GPD1L: variants seen among roughly 807,000 people sequenced by gnomAD.
The protein encoded by GPD1L is glycerol-3-phosphate dehydrogenase 1-like protein.
In GPD1L, 17 loss-of-function variants were observed where a neutral mutation model predicts 32.9. That is an observed-to-expected ratio of 0.52 (90% CI 0.35 to 0.78). The LOEUF (loss-of-function observed/expected upper bound fraction) is 0.78. Among genes scored for constraint, GPD1L ranks in the 30% least tolerant of loss-of-function variants. The pLI is 0.01. For missense variants in GPD1L, 361 were observed against 447.8 expected, an observed-to-expected ratio of 0.81 and a Z score of 1.75; for synonymous variants, 187 against 165.9, an observed-to-expected ratio of 1.13 and a Z score of -0.98.
At chr3:32,136,268 C>T (rs1700659050) in intron 2 of GPD1L, among the ~76,000 whole-genome samples, 1 of 152,166 alleles carries the variant, frequency 6.6e-6, no homozygotes, top group African/African-American at 2.4e-5. Context: ...AGCAGCATCC[C>T]ACACTGTTCA....
At chr3:32,114,075 G>A (rs563123173) in intron 1 of GPD1L, among the ~76,000 whole-genome samples, 16 of 152,140 alleles carry the variant, frequency 1.1e-4, no homozygotes, top group African/African-American at 1.9e-4. Context: ...AGCTGATTTC[G>A]AACACCTGGG....
At chr3:32,140,449 T>A in intron 4 of GPD1L, 83 bp downstream of exon 4, 2 of 1,452,714 alleles carry the variant, frequency 1.4e-6, no homozygotes, top group Non-Finnish European at 1.9e-6. Context: ...ATATTTTCTG[T>A]AATAGACTCT....
chr3:32,167,107 T>C lies in GPD1L; in HGVS notation c.*1197T>C, dbSNP rs537670902. On this transcript the variant is annotated 3_prime_UTR_variant, in exon 8 of 8. Coordinates refer to ENST00000282541, the MANE Select transcript of GPD1L (RefSeq NM_015141.4). ...TACTACAATATGTGAACCACTACTT[T>C]AGAAAATCTGCTTTAACTTGGTATT... The C allele has an allele frequency of 2.6e-5, 4 of 152,306 alleles. No individual in the cohort carries two copies. The South Asian group carries it at 6.2e-4, about 24-fold the overall frequency. The allele number at this position is 152,306 out of a possible 1,614,324, so 9.4% of individuals were successfully genotyped here. A position where few individuals can be genotyped will look rare whatever the true frequency, so the allele number is the denominator to read the frequency against.
In GPD1L at chr3:32,155,129, G is replaced by A. The variant is rs554365495; in HGVS notation, c.619-3747G>A. Among the ~76,000 whole-genome samples, 5 of 152,292 alleles carry A rather than the reference G, an allele frequency of 3.3e-5. No homozygotes were observed. In the South Asian group the frequency reaches 1.0e-3, roughly 32 times the overall value. The stretch of plus-strand genomic sequence containing the variant: ...AAGGGTCAGGCAGGTCTTTTTGACC[G>A]AGGTTGGAGGAAGGGCAGATTTCCC... On this transcript the variant is annotated intron_variant, in intron 5 of 7. Coordinates refer to ENST00000282541, the MANE Select transcript of GPD1L (RefSeq NM_015141.4).
intron 4 of GPD1L, among the ~76,000 whole-genome samples, chr3:32,146,049 G>A (rs1700815718): frequency 6.7e-6 from 1 of 149,462 alleles, no homozygotes; most frequent in African/African-American, 2.5e-5. Context: ...TCACTTCTTG[G>A]TGTAGTTTTA....
chr3:32,120,721 G>T (rs1032751116), intron 1 of GPD1L, among the ~76,000 whole-genome samples: 1 of 152,182 alleles, frequency 6.6e-6, no homozygotes, highest in Non-Finnish European at 1.5e-5. Context: ...AGAATTGCAA[G>T]CATGCAAGTT....
chr3:32,128,419 C>T (rs921507951), intron 2 of GPD1L, among the ~76,000 whole-genome samples, 166 bp downstream of exon 2: 1 of 152,102 alleles, frequency 6.6e-6, no homozygotes, highest in African/African-American at 2.4e-5. Flanking sequence ...AATGGGTTTC[C>T]TATTATGTTG....
chr3:32,122,411 A>G lies in GPD1L; in HGVS notation c.48-5665A>G, dbSNP rs1189805109. 3.9e-5 allele frequency among the ~76,000 whole-genome samples: 6 copies of G among 152,126 alleles called. No homozygotes were observed. In the South Asian group the frequency reaches 8.3e-4, roughly 21 times the overall value. On this transcript the variant is annotated intron_variant, in intron 1 of 7. Coordinates refer to ENST00000282541, the MANE Select transcript of GPD1L (RefSeq NM_015141.4). The stretch of plus-strand genomic sequence containing the variant: ...AATGGGGATAATGTGCACCTCTCTT[A>G]TGGGCTGTAATAAAGATTTTTTAAA...
intron 1 of GPD1L, among the ~76,000 whole-genome samples, chr3:32,114,118 G>GTA (rs1199138708): frequency 6.6e-6 from 1 of 152,242 alleles, no homozygotes; most frequent in East Asian, 1.9e-4. Context: ...GCCTCCCAAA[G>GTA]TACTGGGATT....
At chr3:32,150,165 C>T (rs528731429) in intron 5 of GPD1L, among the ~76,000 whole-genome samples, 16 of 152,188 alleles carry the variant, frequency 1.1e-4, no homozygotes, top group African/African-American at 2.9e-4. Context: ...TATATGCCAT[C>T]GTTTGCATTT....
intron 2 of GPD1L, among the ~76,000 whole-genome samples, chr3:32,133,174 C>T (rs1336978091): frequency 1.3e-5 from 2 of 152,170 alleles, no homozygotes. Context: ...CTCCGTGCAG[C>T]CACGGCAGCT....
chr3:32,110,973 C>A (rs1205694812), intron 1 of GPD1L, among the ~76,000 whole-genome samples: 3 of 152,216 alleles, frequency 2.0e-5, no homozygotes, highest in Non-Finnish European at 4.4e-5. Context: ...TCTAGCGATT[C>A]TCATGCCTCC....
chr3:32,115,368 A>G (rs1004177839), intron 1 of GPD1L, among the ~76,000 whole-genome samples: 2 of 152,294 alleles, frequency 1.3e-5, no homozygotes, highest in Middle Eastern at 3.4e-3. Flanking sequence ...CAGAGTGCTG[A>G]TTGGTGCGTT....
chr3:32,151,283 A>AT, intron 5 of GPD1L: 1 of 608,448 alleles, frequency 1.6e-6, no homozygotes, highest in Non-Finnish European at 3.1e-6. Context: ...AATATGCTCC[A>AT]TACACCCATT....
chr3:32,119,872 C>T (rs561105339), intron 1 of GPD1L, among the ~76,000 whole-genome samples: 10 of 152,260 alleles, frequency 6.6e-5, no homozygotes, highest in South Asian at 2.1e-4. Context: ...CCTGGACCTC[C>T]GCTTCCTCCA....
intron 5 of GPD1L, among the ~76,000 whole-genome samples, chr3:32,150,403 A>T (rs565560926): frequency 2.0e-5 from 3 of 151,984 alleles, no homozygotes; most frequent in African/African-American, 7.3e-5. Flanking sequence ...CAGCCTCCCA[A>T]GTAGCTGGGA....
intron 1 of GPD1L, among the ~76,000 whole-genome samples, chr3:32,107,812 G>A (rs1205086323): frequency 6.6e-6 from 1 of 152,226 alleles, no homozygotes; most frequent in African/African-American, 2.4e-5. Flanking sequence ...GCCTCTCTCT[G>A]TGTCCCTATT....
At chr3:32,131,329 C>G (rs1016148737) in intron 2 of GPD1L, among the ~76,000 whole-genome samples, 1 of 152,174 alleles carries the variant, frequency 6.6e-6, no homozygotes, top group Non-Finnish European at 1.5e-5. Context: ...AGCTGTGCAG[C>G]CATCACTGCC....
intron 1 of GPD1L, among the ~76,000 whole-genome samples, chr3:32,116,079 T>C (rs13060057): frequency 0.41 from 62,669 of 151,860 alleles, 14,680 homozygotes; most frequent in East Asian, 0.64. Context: ...TGAGCCACCG[T>C]GCCCGGCCAG....
Sources: gnomAD v4.1 joint callset for allele counts (sites outside exome capture counted in the v4.1 genomes callset) on GRCh38, gnomAD v4.1.1 for gene constraint, MANE v1.5 for transcripts, NCBI Gene and HGNC (gene_info 2026-07-23, HGNC 2026-07-21) for gene names.